The following RPS6KA5 variants were observed in gnomAD, a reference collection of about 807,000 sequenced individuals.
RPS6KA5 encodes ribosomal protein S6 kinase A5.
A neutral mutation model predicts 85.5 loss-of-function variants in RPS6KA5; 27 were observed. The observed-to-expected ratio is 0.32, with a 90% CI of 0.23 to 0.44. RPS6KA5 has a LOEUF of 0.44. RPS6KA5 is among the 20% of genes least tolerant of loss of function. The pLI, the probability that RPS6KA5 is intolerant of heterozygous loss-of-function variation, is 1.00. For missense variants in RPS6KA5, 811 were observed against 980.9 expected, an observed-to-expected ratio of 0.83 and a Z score of 2.31; for synonymous variants, 334 against 348.2, an observed-to-expected ratio of 0.96 and a Z score of 0.46.
chr14:90,885,497 G>A (rs1486003846), intron 14 of RPS6KA5, among the ~76,000 whole-genome samples: 16 of 103,262 alleles, frequency 1.5e-4, no homozygotes, highest in African/African-American at 3.1e-4. Context: ...AGCTTGCAGT[G>A]AGCCGAGATC....
In RPS6KA5 at chr14:90,870,402, G is replaced by A. The variant is rs1014222312; in HGVS notation, c.*1672C>T. The A allele has an allele frequency of 3.9e-5, 6 of 152,112 alleles. No homozygotes were observed. Among genetic ancestry groups the A allele is most frequent in the Non-Finnish European group, 7.4e-5 (5 of 68,010 alleles). 9.4% of individuals were successfully genotyped at this position (152,112 alleles called of 1,614,324 possible). On this transcript the variant is annotated 3_prime_UTR_variant, in exon 17 of 17. Coordinates refer to ENST00000614987, the MANE Select transcript of RPS6KA5 (RefSeq NM_004755.4). ...GTAGCCATTTGGGCCAGCAAAAAGT[G>A]TAAAATATTATTCCCAATAACCACT...
At chr14:90,897,931 C>T (rs1213398876) in intron 12 of RPS6KA5, among the ~76,000 whole-genome samples, 1 of 152,134 alleles carries the variant, frequency 6.6e-6, no homozygotes, top group Non-Finnish European at 1.5e-5. Flanking sequence ...GACTCATTAC[C>T]TCCTCTTGTG....
chr14:91,034,280 G>A (rs12896094), intron 1 of RPS6KA5, among the ~76,000 whole-genome samples: 76,772 of 149,768 alleles, frequency 0.51, 20,042 homozygotes, highest in East Asian at 0.56. Flanking sequence ...ACTCCAGCCT[G>A]GGAGACAGAA....
intron 3 of RPS6KA5, among the ~76,000 whole-genome samples, chr14:90,976,743 T>A (rs924345305): frequency 6.6e-6 from 1 of 152,150 alleles, no homozygotes; most frequent in Non-Finnish European, 1.5e-5. Flanking sequence ...TAATGGGGAC[T>A]CTTAAGAGGA....
chr14:91,060,325 C>T lies in RPS6KA5; in HGVS notation c.103+7G>A. The T allele has an allele frequency of 7.4e-7, 1 of 1,343,326 alleles. No homozygotes were observed. Among genetic ancestry groups the T allele is most frequent in the Non-Finnish European group, 9.6e-7 (1 of 1,039,800 alleles). 83.2% of individuals were successfully genotyped at this position (1,343,326 alleles called of 1,614,324 possible). ...GGGCCCGGCCGGCAGAGGGCGGGGT[C>T]GCTCACCAGTCCGCAGCTCGTGCTT... On this transcript the variant is annotated splice_region_variant and intron_variant, in intron 1 of 16. Transcript: ENST00000614987.
chr14:90,852,752 CAG>C lies in RPS6KA5; in HGVS notation c.*19320_*19321del, dbSNP rs1418486183. Reference sequence around the variant, plus strand: ...TTTTTTTTTTTTTTTTTTTTTGAGACAGAGTCTTGCTCTGTCGCCCAGGCTGG... The same window carrying C: ...TTTTTTTTTTTTTTTTTTTTTGAGACAGTCTTGCTCTGTCGCCCAGGCTGG... On this transcript the variant is annotated 3_prime_UTR_variant, in exon 17 of 17. Coordinates refer to ENST00000614987, the MANE Select transcript of RPS6KA5 (RefSeq NM_004755.4). 9.6e-6 allele frequency: 1 copy of C among 104,320 alleles called. No homozygotes were observed. Among genetic ancestry groups the C allele is most frequent in the Non-Finnish European group, 1.8e-5 (1 of 54,652 alleles). 6.5% of individuals were successfully genotyped at this position (104,320 alleles called of 1,614,324 possible).
At chr14:90,879,877 G>A (rs1434506816) in intron 14 of RPS6KA5, among the ~76,000 whole-genome samples, 1 of 149,264 alleles carries the variant, frequency 6.7e-6, no homozygotes, top group Admixed American at 6.8e-5. Flanking sequence ...CCTGCCTCCT[G>A]AGTTCAGGCA....
At chr14:90,888,980 G>C (rs2034394540) in intron 14 of RPS6KA5, among the ~76,000 whole-genome samples, 1 of 152,044 alleles carries the variant, frequency 6.6e-6, no homozygotes, top group Admixed American at 6.6e-5. Context: ...TAGGAAAATG[G>C]GCAAAGCTCA....
intron 1 of RPS6KA5, among the ~76,000 whole-genome samples, chr14:91,034,807 C>T (rs1182035162): frequency 6.6e-6 from 1 of 152,008 alleles, no homozygotes; most frequent in Non-Finnish European, 1.5e-5. Flanking sequence ...TTGAAGTCAG[C>T]GAGACCAAGA....
intron 3 of RPS6KA5, among the ~76,000 whole-genome samples, chr14:90,948,043 C>A (rs1203896872): frequency 2.6e-5 from 4 of 152,194 alleles, no homozygotes; most frequent in African/African-American, 9.7e-5. Flanking sequence ...GTAATAGACA[C>A]CCTTTTATTT....
rs1255507731 is a variant in RPS6KA5 at position 91,052,904 on chromosome 14, G to C, written c.103+7428C>G. Among the ~76,000 whole-genome samples, 8 of 148,902 alleles carry C rather than the reference G, an allele frequency of 5.4e-5. No individual in the cohort carries two copies. In the East Asian group the frequency reaches 1.6e-3, roughly 29 times the overall value. On this transcript the variant is annotated intron_variant, in intron 1 of 16. Transcript: ENST00000614987. ...AATCAAGAATATTTTGGGGAGACTA[G>C]ACAGAGGTATCACCAAAAAAGAACA...
chr14:90,915,319 A>C (rs534690435), intron 7 of RPS6KA5, among the ~76,000 whole-genome samples: 5 of 152,118 alleles, frequency 3.3e-5, no homozygotes, highest in Non-Finnish European at 7.3e-5. Flanking sequence ...CCTTATAACC[A>C]ATACTGGGTA....
intron 12 of RPS6KA5, among the ~76,000 whole-genome samples, chr14:90,896,877 C>T (rs139187237): frequency 6.6e-6 from 1 of 152,156 alleles, no homozygotes; most frequent in East Asian, 1.9e-4. Context: ...CACAACACCA[C>T]GCCTGACTAA....
intron 15 of RPS6KA5, among the ~76,000 whole-genome samples, chr14:90,874,858 T>G (rs1265431681): frequency 1.3e-5 from 2 of 152,060 alleles, no homozygotes; most frequent in Non-Finnish European, 2.9e-5. Context: ...TAGGTTTCTG[T>G]TTTGGTGATC....
At chr14:90,902,621 A>G (rs748806290) in intron 9 of RPS6KA5, among the ~76,000 whole-genome samples, 187 bp downstream of exon 9, 10 of 152,372 alleles carry the variant, frequency 6.6e-5, no homozygotes, top group Non-Finnish European at 1.3e-4. Flanking sequence ...TGCATAAACA[A>G]TATCTGCTAT....
chr14:91,018,104 T>C (rs1292419837), intron 1 of RPS6KA5, among the ~76,000 whole-genome samples: 2 of 152,140 alleles, frequency 1.3e-5, no homozygotes, highest in African/African-American at 2.4e-5. Flanking sequence ...GAATAAAGGT[T>C]TGGGTCACCT....
chr14:90,999,707 T>C (rs2040698438), intron 2 of RPS6KA5, among the ~76,000 whole-genome samples: 1 of 152,194 alleles, frequency 6.6e-6, no homozygotes, highest in Non-Finnish European at 1.5e-5. Context: ...TGCGGGTGCC[T>C]TGTTCATGAA....
intron 1 of RPS6KA5, among the ~76,000 whole-genome samples, chr14:91,036,507 A>G (rs1049929264): frequency 1.3e-5 from 2 of 152,210 alleles, no homozygotes; most frequent in Non-Finnish European, 2.9e-5. Context: ...ATGCACACAA[A>G]TAACAAATGT....
At position 90,870,423 on chromosome 14, in the gene RPS6KA5, C is replaced by G. The variant is rs2033025025; in HGVS notation, c.*1651G>C. The stretch of plus-strand genomic sequence containing the variant: ...AAGTGTAAAATATTATTCCCAATAA[C>G]CACTGTGGACAAAATGTGAACAGGA... On this transcript the variant is annotated 3_prime_UTR_variant, in exon 17 of 17. Transcript: ENST00000614987. 1 of 152,072 alleles carries G rather than the reference C, an allele frequency of 6.6e-6. No individual in the cohort carries two copies. Among genetic ancestry groups the G allele is most frequent in the Non-Finnish European group, 1.5e-5 (1 of 67,994 alleles). The allele number at this position is 152,072 out of a possible 1,614,324, so 9.4% of individuals were successfully genotyped here. A position where few individuals can be genotyped will look rare whatever the true frequency, so the allele number is the denominator to read the frequency against.
Sources: gnomAD v4.1 joint callset for allele counts (sites outside exome capture counted in the v4.1 genomes callset) on GRCh38, gnomAD v4.1.1 for gene constraint, MANE v1.5 for transcripts, NCBI Gene and HGNC (gene_info 2026-07-23, HGNC 2026-07-21) for gene names.